The following NRG3 variants were observed in gnomAD, a reference collection of about 807,000 sequenced individuals.
The protein encoded by NRG3 is pro-neuregulin-3, membrane-bound isoform.
In NRG3, 31 loss-of-function variants were observed where a neutral mutation model predicts 66.9. The observed-to-expected ratio is 0.46, with a 90% CI of 0.35 to 0.63. The LOEUF is 0.63. Among genes scored for constraint, NRG3 ranks in the 20% least tolerant of loss-of-function variants. NRG3 has a pLI of 0.00. For synonymous variants in NRG3, 393 were observed against 359.4 expected, an observed-to-expected ratio of 1.09 and a Z score of -1.06; for missense variants, 910 against 878.9, an observed-to-expected ratio of 1.04 and a Z score of -0.45.
chr10:82,777,593 G>A (rs2059956639), intron 3 of NRG3, among the ~76,000 whole-genome samples: 1 of 152,158 alleles, frequency 6.6e-6, no homozygotes, highest in Admixed American at 6.5e-5. Flanking sequence ...GGAGGTAGTT[G>A]TGACTCTGGT....
At chr10:82,979,534 C>G (rs766957555) in intron 8 of NRG3, among the ~76,000 whole-genome samples, 26 of 152,148 alleles carry the variant, frequency 1.7e-4, no homozygotes, top group Admixed American at 6.5e-4. Context: ...GGCATACGTA[C>G]AGTATCTGCT....
intron 1 of NRG3, among the ~76,000 whole-genome samples, chr10:82,173,642 C>T (rs1446197996): frequency 6.6e-6 from 1 of 150,630 alleles, no homozygotes; most frequent in Non-Finnish European, 1.5e-5. Context: ...TAGAGACCCT[C>T]ATGTAAACAC....
intron 1 of NRG3, among the ~76,000 whole-genome samples, chr10:82,225,753 CTGCA>C: frequency 6.6e-6 from 1 of 152,250 alleles, no homozygotes; most frequent in South Asian, 2.1e-4. Flanking sequence ...AATCCCCTTC[CTGCA>C]TTTTCACTTG....
At chr10:82,960,769 C>T (rs1348227650) in intron 6 of NRG3, among the ~76,000 whole-genome samples, 2 of 152,122 alleles carry the variant, frequency 1.3e-5, no homozygotes, top group Non-Finnish European at 2.9e-5. Context: ...CTGGCTCATC[C>T]TGGCTCAAAA....
In NRG3 at chr10:82,943,837, A is replaced by G. The variant is rs573003809; in HGVS notation, c.1055-7632A>G. On this transcript the variant is annotated intron_variant, in intron 4 of 8. Coordinates refer to ENST00000372141, the MANE Select transcript of NRG3 (RefSeq NM_001010848.4). The stretch of plus-strand genomic sequence containing the variant: ...GGGGGAAAAATTTTAAAATATAGAA[A>G]GATGAAAAACCAGAATTTATCGAAT... Among the ~76,000 whole-genome samples the G allele has an allele frequency of 1.6e-4, 24 of 152,360 alleles. No homozygotes were observed. In the East Asian group the frequency reaches 4.2e-3, roughly 27 times the overall value.
At chr10:82,145,896 G>A (rs546333545) in intron 1 of NRG3, among the ~76,000 whole-genome samples, 32 of 152,198 alleles carry the variant, frequency 2.1e-4, no homozygotes, top group African/African-American at 7.2e-4. Flanking sequence ...AGATAAGTAG[G>A]TAGTAACCAG....
intron 2 of NRG3, among the ~76,000 whole-genome samples, chr10:82,552,584 A>C (rs2132905899): frequency 6.6e-6 from 1 of 152,248 alleles, no homozygotes; most frequent in South Asian, 2.1e-4. Flanking sequence ...GAAACACAAA[A>C]CATTTCAGTA....
At chr10:81,890,488 T>C (rs1842928712) in intron 1 of NRG3, among the ~76,000 whole-genome samples, 1 of 152,220 alleles carries the variant, frequency 6.6e-6, no homozygotes, top group Non-Finnish European at 1.5e-5. Flanking sequence ...TATAGAAAGC[T>C]GACATCTTTT....
intron 2 of NRG3, among the ~76,000 whole-genome samples, chr10:82,577,626 A>G (rs1009211627): frequency 2.0e-5 from 3 of 151,760 alleles, no homozygotes; most frequent in African/African-American, 7.2e-5. Context: ...TAGCTTAAAA[A>G]AATCTTTCTA....
intron 1 of NRG3, among the ~76,000 whole-genome samples, chr10:81,929,315 G>A (rs1162946802): frequency 1.3e-5 from 2 of 152,112 alleles, no homozygotes; most frequent in African/African-American, 4.8e-5. Context: ...ACAAAAGTTG[G>A]ATTCCTCTCA....
intron 2 of NRG3, among the ~76,000 whole-genome samples, chr10:82,451,063 G>T (rs1024042809): frequency 1.3e-5 from 2 of 152,156 alleles, no homozygotes; most frequent in Non-Finnish European, 2.9e-5. Flanking sequence ...CAATATAATA[G>T]TAAGCAGTTC....
intron 4 of NRG3, among the ~76,000 whole-genome samples, chr10:82,917,562 T>C: frequency 6.6e-6 from 1 of 152,176 alleles, no homozygotes; most frequent in South Asian, 2.1e-4. Flanking sequence ...TTTATTTTTC[T>C]GGTGCCTGTC....
intron 1 of NRG3, chr10:82,225,346 G>A (rs905208964): frequency 2.6e-5 from 4 of 152,142 alleles, no homozygotes; most frequent in African/African-American, 9.7e-5. Context: ...ATTAGACACT[G>A]ACATATAATA....
intron 1 of NRG3, among the ~76,000 whole-genome samples, chr10:81,977,307 G>A (rs2060160812): frequency 6.6e-6 from 1 of 152,008 alleles, no homozygotes; most frequent in Non-Finnish European, 1.5e-5. Flanking sequence ...CCTGAAAGCT[G>A]GGTTTTGATA....
intron 2 of NRG3, among the ~76,000 whole-genome samples, chr10:82,598,942 C>T (rs556436972): frequency 6.6e-6 from 1 of 152,042 alleles, no homozygotes; most frequent in East Asian, 1.9e-4. Flanking sequence ...CCCAGCTGCT[C>T]GGGAGCCTGA....
chr10:82,068,420 T>C (rs1352855709), intron 1 of NRG3, among the ~76,000 whole-genome samples: 1 of 152,232 alleles, frequency 6.6e-6, no homozygotes, highest in Non-Finnish European at 1.5e-5. Flanking sequence ...ACATACTACA[T>C]GATAGGCTCT....
intron 1 of NRG3, among the ~76,000 whole-genome samples, chr10:81,920,923 C>G (rs1846193843): frequency 6.6e-6 from 1 of 151,958 alleles, no homozygotes; most frequent in African/African-American, 2.4e-5. Flanking sequence ...TTTCTCATAA[C>G]CTAATATGAA....
intron 2 of NRG3, among the ~76,000 whole-genome samples, chr10:82,422,695 C>A (rs2089167237): frequency 6.6e-6 from 1 of 151,776 alleles, no homozygotes; most frequent in South Asian, 2.1e-4. Context: ...TGTCAGTGGT[C>A]AGAATTGTGG....
At chr10:82,378,201 C>T (rs2085381537) in intron 2 of NRG3, among the ~76,000 whole-genome samples, 2 of 152,136 alleles carry the variant, frequency 1.3e-5, no homozygotes, top group East Asian at 1.9e-4. Context: ...CTCCACACTC[C>T]CCAACATCAA....
Sources: gnomAD v4.1 joint callset for allele counts (sites outside exome capture counted in the v4.1 genomes callset) on GRCh38, gnomAD v4.1.1 for gene constraint, MANE v1.5 for transcripts, NCBI Gene and HGNC (gene_info 2026-07-23, HGNC 2026-07-21) for gene names.